EYA4: variants seen among roughly 807,000 people sequenced by gnomAD.
EYA4 encodes protein phosphatase EYA4.
EYA4 carries 31 observed loss-of-function variants against 87.9 expected under a neutral mutation model. The observed-to-expected ratio is 0.35, with a 90% CI of 0.27 to 0.48. The LOEUF (loss-of-function observed/expected upper bound fraction) is 0.48, where lower values mean the gene tolerates loss of function less well. Ranked by LOEUF, EYA4 falls within the 20% of genes least tolerant of loss-of-function variation. The pLI is 0.99. For missense variants in EYA4, 678 were observed against 761.4 expected, an observed-to-expected ratio of 0.89 and a Z score of 1.29; for synonymous variants, 263 against 270.6, an observed-to-expected ratio of 0.97 and a Z score of 0.28.
chr6:133,427,562 T>G (rs1322680458), intron 3 of EYA4, among the ~76,000 whole-genome samples: 2 of 152,152 alleles, frequency 1.3e-5, no homozygotes, highest in South Asian at 2.1e-4. Flanking sequence ...ATTCCATGAT[T>G]GTTAAAAGGA....
chr6:133,251,291 T>C (rs1774880262), intron 1 of EYA4, among the ~76,000 whole-genome samples: 2 of 152,186 alleles, frequency 1.3e-5, no homozygotes, highest in African/African-American at 4.8e-5. Context: ...TATGAGAATT[T>C]GTATAATTTT....
At chr6:133,271,941 A>T (rs1047119720) in intron 1 of EYA4, among the ~76,000 whole-genome samples, 1 of 152,214 alleles carries the variant, frequency 6.6e-6, no homozygotes, top group Non-Finnish European at 1.5e-5. Context: ...GTCTATTCAC[A>T]TATCTTTTCC....
chr6:133,359,386 C>T (rs1784300485), intron 2 of EYA4, among the ~76,000 whole-genome samples: 1 of 152,150 alleles, frequency 6.6e-6, no homozygotes, highest in South Asian at 2.1e-4. Flanking sequence ...AAATGAAACC[C>T]TAATGGGCTG....
intron 3 of EYA4, among the ~76,000 whole-genome samples, chr6:133,429,922 G>C (rs1419394571): frequency 6.6e-6 from 1 of 152,196 alleles, no homozygotes; most frequent in East Asian, 1.9e-4. Context: ...TGTTATATGA[G>C]TAGATTGTGT....
intron 3 of EYA4, among the ~76,000 whole-genome samples, chr6:133,436,673 C>G (rs1323920921): frequency 6.6e-6 from 1 of 152,156 alleles, no homozygotes; most frequent in Non-Finnish European, 1.5e-5. Context: ...TAAAATCATT[C>G]TGATGGTCAA....
intron 9 of EYA4, 81 bp from the exon 10 acceptor site, chr6:133,464,694 TTCTC>T (rs1257898099): frequency 1.8e-5 from 16 of 878,822 alleles, no homozygotes; most frequent in Non-Finnish European, 3.0e-5. Context: ...TTCAAAGTGT[TTCTC>T]TCACAGAATT....
chr6:133,517,348 C>A (rs957504755), intron 17 of EYA4, among the ~76,000 whole-genome samples: 1 of 151,978 alleles, frequency 6.6e-6, no homozygotes, highest in African/African-American at 2.4e-5. Context: ...ATGTAACCAA[C>A]CTGCCCTTGT....
At chr6:133,348,530 G>T (rs1443193815) in intron 2 of EYA4, among the ~76,000 whole-genome samples, 2 of 151,956 alleles carry the variant, frequency 1.3e-5, no homozygotes, top group Non-Finnish European at 2.9e-5. Context: ...CTCCCAAAGT[G>T]CTGGGATTAC....
In EYA4 at chr6:133,522,683, C is replaced by T. The variant is rs182654797; in HGVS notation, c.1617-373C>T. On this transcript the variant is annotated intron_variant, in intron 17 of 19. Transcript: ENST00000355286. ...TAAAAAGAAATGTAACTCTGAATAT[C>T]ACACAGTGCAAGTCACAAAAGTTCA... 4.3e-3 allele frequency among the ~76,000 whole-genome samples: 657 copies of T among 152,252 alleles called. 5 individuals are homozygous for T. Among genetic ancestry groups the T allele is most frequent in the Non-Finnish European group, 8.1e-3 (551 of 68,006 alleles).
intron 2 of EYA4, among the ~76,000 whole-genome samples, chr6:133,370,844 T>A (rs1785213203): frequency 6.6e-6 from 1 of 152,172 alleles, no homozygotes. Flanking sequence ...TCCCTCCATT[T>A]ATGGAACTAT....
intron 2 of EYA4, among the ~76,000 whole-genome samples, chr6:133,300,929 A>G (rs73776021): frequency 0.044 from 6,764 of 152,246 alleles, 331 homozygotes; most frequent in African/African-American, 0.13. Flanking sequence ...ACTGTATTCT[A>G]TGTGTCCAGT....
intron 16 of EYA4, 125 bp downstream of exon 16, chr6:133,513,163 GAGCCAGA>G (rs1452534661): frequency 2.1e-6 from 2 of 964,646 alleles, no homozygotes; most frequent in Non-Finnish European, 3.2e-6. Flanking sequence ...AAACCACATT[GAGCCAGA>G]AGTTTCTTAG....
chr6:133,294,868 A>T (rs980414100), intron 2 of EYA4, among the ~76,000 whole-genome samples: 1 of 152,140 alleles, frequency 6.6e-6, no homozygotes, highest in East Asian at 1.9e-4. Flanking sequence ...GGTGCAAGCC[A>T]CCACAGCCGG....
intron 13 of EYA4, among the ~76,000 whole-genome samples, chr6:133,490,405 A>C (rs374402507): frequency 6.6e-6 from 1 of 150,498 alleles, no homozygotes; most frequent in African/African-American, 2.5e-5. Flanking sequence ...AAAAAAAACA[A>C]AAAACCGTGA....
intron 11 of EYA4, among the ~76,000 whole-genome samples, chr6:133,480,510 CTG>C (rs1368156528): frequency 6.6e-6 from 1 of 152,082 alleles, no homozygotes; most frequent in Non-Finnish European, 1.5e-5. Flanking sequence ...CTAGTGTGGA[CTG>C]AGATCCAGTA....
In EYA4 at chr6:133,298,552, T is replaced by G. The variant is rs552953581; in HGVS notation, c.33+23739T>G. On this transcript the variant is annotated intron_variant, in intron 2 of 19. Transcript: ENST00000355286. The stretch of plus-strand genomic sequence containing the variant: ...AAAAGTAGTGTCAGCAATTATAGCA[T>G]AGAGGTAAACAATCCCAGTTTTTCG... 3.9e-5 allele frequency among the ~76,000 whole-genome samples: 6 copies of G among 152,326 alleles called. No individual in the cohort carries two copies. In the South Asian group the frequency reaches 1.2e-3, roughly 32 times the overall value.
At chr6:133,436,703 G>A (rs1341838883) in intron 3 of EYA4, among the ~76,000 whole-genome samples, 24 of 152,128 alleles carry the variant, frequency 1.6e-4, no homozygotes, top group Admixed American at 1.4e-3. Flanking sequence ...TGCTATTTTG[G>A]TGGACTCTTG....
intron 1 of EYA4, among the ~76,000 whole-genome samples, chr6:133,253,335 C>T (rs7775612): frequency 0.014 from 2,106 of 152,160 alleles, 41 homozygotes; most frequent in African/African-American, 0.042. Context: ...AGATATTGAA[C>T]GGGAAGCCTA....
rs181206047 is a variant in EYA4, at chr6:133,363,072, C to T, written c.34-19320C>T. On this transcript the variant is annotated intron_variant, in intron 2 of 19. Coordinates refer to ENST00000355286, the MANE Select transcript of EYA4 (RefSeq NM_004100.5). ...CGATGAAGGAGGGGATAGCTGAATT[C>T]AGCCAAGGTGGTTTGAACATGGTTT... The T allele has an allele frequency of 6.1e-3, 924 of 152,416 alleles. 8 individuals are homozygous for T. Among genetic ancestry groups the T allele is most frequent in the Middle Eastern group, 0.037 (11 of 294 alleles). 9.4% of individuals were successfully genotyped at this position (152,416 alleles called of 1,614,324 possible). A position where few individuals can be genotyped will look rare whatever the true frequency, so the allele number is the denominator to read the frequency against.
Sources: allele counts gnomAD v4.1 joint callset (sites outside exome capture counted in the v4.1 genomes callset), GRCh38; gene constraint gnomAD v4.1.1; transcripts MANE v1.5; gene names NCBI Gene and HGNC (gene_info 2026-07-23, HGNC 2026-07-21).